Variants in FLII observed in about 807,000 individuals in gnomAD.
FLII encodes the protein FLII actin remodeling protein.
A neutral mutation model predicts 156.2 loss-of-function variants in FLII; 101 were observed. The observed-to-expected ratio is 0.65, with a 90% confidence interval of 0.55 to 0.76. FLII has a LOEUF of 0.76. Ranked by LOEUF, FLII falls within the 30% of genes least tolerant of loss-of-function variation. The pLI, the probability that FLII is intolerant of heterozygous loss-of-function variation, is 0.00. For missense variants in FLII, 1,675 were observed against 1,682.8 expected, an observed-to-expected ratio of 1.00 and a Z score of 0.08; for synonymous variants, 767 against 685.8, an observed-to-expected ratio of 1.12 and a Z score of -1.85.
At chr17:18,252,366 C>G in intron 10 of FLII, 106 bp downstream of exon 10, 3 of 1,126,648 alleles carry the variant, frequency 2.7e-6, no homozygotes, top group Non-Finnish European at 4.0e-6. Context: ...CACGGGCACC[C>G]TGGCACTGGC....
rs143892517 is a variant in FLII, at chr17:18,245,253, C to T, written c.3695G>A (p.Arg1232Gln). 19 of 1,613,480 alleles carry T rather than the reference C, an allele frequency of 1.2e-5. No homozygotes were observed. Among genetic ancestry groups the T allele is most frequent in the South Asian group, 5.5e-5 (5 of 91,054 alleles). ...KACQVYIQHM[R>Q]SKEHERPRRL... ...GCGCGGCCGCTCATGTTCCTTGGAC[C>T]GCATGTGCTGGATATATACCTGGCA... Residue 1232 changes from arginine to glutamine, a missense_variant, in exon 30 of 30, where the codon CGG becomes CAG. By Grantham distance (43) the Arg-to-Gln change is conservative. This residue lies in a region of FLII where 1,332 missense variants were observed against 1,269.3 expected (regional missense o/e 1.05). Coordinates refer to ENST00000327031, the MANE Select transcript of FLII (RefSeq NM_002018.4).
Position 18,254,637 on chromosome 17 carries a change from T to TA in FLII, c.458dup (p.Leu154ThrfsTer81). ...GGTTCTCGCTGAGGTCCAGGTATAG[T>TA]AGGTCAGTGAGGTTGATGAAGAGCT... is the stretch of plus-strand genomic sequence containing the variant. On this transcript the variant is annotated frameshift_variant, in exon 6 of 30. Coordinates refer to ENST00000327031, the MANE Select transcript of FLII (RefSeq NM_002018.4). LOFTEE classifies it high-confidence loss of function. 1 of 1,613,906 alleles carries TA rather than the reference T, an allele frequency of 6.2e-7. No homozygotes were observed.
chr17:18,255,511 C>T (rs974696223), intron 3 of FLII, among the ~76,000 whole-genome samples: 1 of 152,172 alleles, frequency 6.6e-6, no homozygotes, highest in Non-Finnish European at 1.5e-5. Context: ...CTCAGGGAAC[C>T]TTTTCTGTTC....
intron 9 of FLII, among the ~76,000 whole-genome samples, chr17:18,253,029 A>G (rs1299256387): frequency 6.6e-6 from 1 of 152,238 alleles, no homozygotes; most frequent in African/African-American, 2.4e-5. Context: ...GCACGCCTAT[A>G]ATCCCAGCTA....
rs766964258 is a variant in FLII, at chr17:18,251,686, C to T, written c.1377G>A (p.Lys459=). 5 of 1,613,902 alleles carry T rather than the reference C, an allele frequency of 3.1e-6. No homozygotes were observed. In the East Asian group the frequency reaches 1.1e-4, roughly 36 times the overall value. ...MSDVAQEKNK[K]QEESADARAP... ...CAACCCTGGCCTGGCTCACCTCCTG[C>T]TTTTTGTTCTTCTCCTGGGCAACAT... Residue 459 remains lysine (K), a synonymous_variant, in exon 12 of 30, where the codon AAG becomes AAA. Coordinates refer to ENST00000327031, the MANE Select transcript of FLII (RefSeq NM_002018.4).
chr17:18,258,147 A>G lies in FLII; in HGVS notation c.63+481T>C, dbSNP rs2048482343. 6.6e-6 allele frequency among the ~76,000 whole-genome samples: 1 copy of G among 152,216 alleles called. No individual in the cohort carries two copies. Among genetic ancestry groups the G allele is most frequent in the Admixed American group, 6.5e-5 (1 of 15,294 alleles). ...ACCGGCTGAGAAAGCCTAGGCTCTG[A>G]GAGGGGAAGTGATCTGAGAGGCCCA... is the stretch of plus-strand genomic sequence containing the variant. On this transcript the variant is annotated intron_variant, in intron 1 of 29. Coordinates refer to ENST00000327031, the MANE Select transcript of FLII (RefSeq NM_002018.4). The surrounding 1 kb of genome is among the most constrained non-coding windows in gnomAD (Gnocchi z 4.2).
chr17:18,251,013 A>G lies in FLII; in HGVS notation c.1601T>C (p.Phe534Ser). The part of the protein sequence containing the change: ...EADCYIVLKT[F>S]LDDSGSLNWE... ...GTTGAGGGAGCCGCTGTCATCCAGA[A>G]AGGTCTGGAAGCCAAGGCACCGGCC... Residue 534 changes from phenylalanine (F) to serine (S), a missense_variant, in exon 14 of 30, where the codon TTT (phenylalanine) becomes TCT (serine). Phe to Ser is a radical substitution (Grantham distance 155). Coordinates refer to ENST00000327031, the MANE Select transcript of FLII (RefSeq NM_002018.4). The G allele has an allele frequency of 6.2e-7, 1 of 1,612,702 alleles. No homozygotes were observed. The highest frequency in any genetic ancestry group is 8.5e-7 in the Non-Finnish European group (1 of 1,179,400).
rs779017122 is a variant in FLII, at chr17:18,252,554, C to T, written c.1016G>A (p.Cys339Tyr). The T allele has an allele frequency of 9.9e-6, 16 of 1,613,488 alleles. No homozygotes were observed. Among genetic ancestry groups the T allele is most frequent in the Non-Finnish European group, 1.1e-5 (13 of 1,179,900 alleles). The change falls in exon 10 of 30, where the codon TGC (cysteine) becomes TAC (tyrosine). Residue 339 changes from cysteine to tyrosine, a missense_variant and splice_region_variant. Physicochemically the swap from Cys to Tyr is radical, Grantham distance 194 (BLOSUM62 -2). Transcript: ENST00000327031. Reference sequence around the variant, plus strand: ...CAGGACAAGTTTCCTCAGCTTTGGGCACCTGTGAAGACAGGGCCAGCCAGG... The same window carrying T: ...CAGGACAAGTTTCCTCAGCTTTGGGTACCTGTGAAGACAGGGCCAGCCAGG... ...LELVPESLCR[C>Y]PKLRKLVLNK... is the part of the protein sequence containing the mutation.
chr17:18,251,839 G>A (rs758451969), intron 11 of FLII, 23 bp from the exon 12 acceptor site: 2 of 1,612,850 alleles, frequency 1.2e-6, no homozygotes, highest in South Asian at 2.2e-5. Flanking sequence ...GCAAACAGCT[G>A]AGCCCTCACT....
chr17:18,246,077 G>A lies in FLII; in HGVS notation c.3268-15C>T. ...TCAAAGGGAACCTGGGGAGTGTGCA[G>A]GGGTGGGGGTGTTCGCAGCTGACTC... On this transcript the variant is annotated splice_polypyrimidine_tract_variant and intron_variant, in intron 25 of 29. Transcript: ENST00000327031. The A allele has an allele frequency of 3.1e-6, 5 of 1,614,118 alleles. No homozygotes were observed. Among genetic ancestry groups the A allele is most frequent in the Non-Finnish European group, 4.2e-6 (5 of 1,180,014 alleles).
chr17:18,250,811 C>G (rs2048238670), intron 14 of FLII, 27 bp downstream of exon 14: 1 of 1,595,682 alleles, frequency 6.3e-7, no homozygotes, highest in East Asian at 2.2e-5. Flanking sequence ...CCCACTCTGC[C>G]CACCCCCAAT....
Position 18,253,720 on chromosome 17 carries a change from CTGGGGTGCAGGG to C in FLII, c.680-13_680-2del. 1 of 1,603,892 alleles carries C rather than the reference CTGGGGTGCAGGG, an allele frequency of 6.2e-7. No homozygotes were observed. Among genetic ancestry groups the C allele is most frequent in the South Asian group, 1.1e-5 (1 of 90,326 alleles). On this transcript the variant is annotated splice_acceptor_variant and splice_polypyrimidine_tract_variant and intron_variant, in intron 7 of 29. Coordinates refer to ENST00000327031, the MANE Select transcript of FLII (RefSeq NM_002018.4). LOFTEE classifies it high-confidence loss of function. ...AGGTCATTGCAGGACAGATCCACGT[CTGGGGTGCAGGG>C]TGGGGTGCATCAGCTGGGGCCCATA...
chr17:18,254,965 G>A, intron 4 of FLII, 111 bp from the exon 5 acceptor site: 2 of 1,109,840 alleles, frequency 1.8e-6, no homozygotes, highest in East Asian at 2.4e-5. Flanking sequence ...AGATGAGGGG[G>A]CTTCAGGGCC....
chr17:18,256,315 T>A (rs1193985522), intron 3 of FLII, among the ~76,000 whole-genome samples: 1 of 152,268 alleles, frequency 6.6e-6, no homozygotes, highest in African/African-American at 2.4e-5. Flanking sequence ...ACCTTTTTCC[T>A]GATGGAATTC....
rs372886270 is a variant in FLII, at chr17:18,255,374, C to T, written c.247-111G>A. The stretch of plus-strand genomic sequence containing the variant: ...GCTCACCAGAGGCCAGGCCTGAGGA[C>T]TCTCTCACCTCTGGCCTTTGATCAA... On this transcript the variant is annotated intron_variant, in intron 3 of 29. Coordinates refer to ENST00000327031, the MANE Select transcript of FLII (RefSeq NM_002018.4). 1.0e-5 allele frequency: 8 copies of T among 774,914 alleles called. No homozygotes were observed. The East Asian group carries it at 1.2e-4, about 12-fold the overall frequency. The allele number at this position is 774,914 out of a possible 1,614,324, so 48.0% of individuals were successfully genotyped here.
Position 18,258,346 on chromosome 17 carries a change from C to T in FLII, c.63+282G>A. ...CCCCAGGCCACCATCCAGCCTAGAC[C>T]GAGAACACGGACGCGGGGTGGGGGC... On this transcript the variant is annotated intron_variant, in intron 1 of 29. Coordinates refer to ENST00000327031, the MANE Select transcript of FLII (RefSeq NM_002018.4). The surrounding 1 kb of genome is among the most constrained non-coding windows in gnomAD (Gnocchi z 4.2). 1 of 763,828 alleles carries T rather than the reference C, an allele frequency of 1.3e-6. No individual in the cohort carries two copies. The highest frequency in any genetic ancestry group is 2.0e-6 in the Non-Finnish European group (1 of 490,866). The allele number at this position is 763,828 out of a possible 1,614,324, so 47.3% of individuals were successfully genotyped here. A position where few individuals can be genotyped will look rare whatever the true frequency, so the allele number is the denominator to read the frequency against.
chr17:18,246,940 G>C lies in FLII; in HGVS notation c.2789C>G (p.Thr930Arg). Residue 930 changes from threonine (T) to arginine (R), a missense_variant, in exon 22 of 30, where the codon ACG becomes AGG. Thr to Arg is a moderately conservative substitution (Grantham distance 71). Around this residue, in one of 2 missense-constraint regions of FLII, gnomAD observed 1,332 missense variants for 1,269.3 expected, o/e 1.05. Transcript: ENST00000327031. ...LPEEEFGHFYTQDCYVFLCRY... is the reference protein window; with the variant it reads ...LPEEEFGHFYRQDCYVFLCRY... ...GCAGAGGAAGACGTAGCAGTCCTGC[G>C]TGTAGAAGTGGCCAAACTCCTCTTC... 6.2e-7 allele frequency: 1 copy of C among 1,614,174 alleles called. No individual in the cohort carries two copies. The highest frequency in any genetic ancestry group is 8.5e-7 in the Non-Finnish European group (1 of 1,180,026).
In FLII at chr17:18,247,193, C is replaced by T; in HGVS notation, c.2652G>A (p.Arg884=). ...KADLTALFLP[R]QPPMSLAEAE... ...CCTCGGCCAGCGACATGGGCGGCTG[C>T]CGCGGCAGGAAAAGCGCAGTGAGGT... The change falls in exon 21 of 30, where the codon CGG becomes CGA. Residue 884 remains arginine, a synonymous_variant. Coordinates refer to ENST00000327031, the MANE Select transcript of FLII (RefSeq NM_002018.4). The T allele has an allele frequency of 6.7e-7, 1 of 1,503,726 alleles. No homozygotes were observed. Among genetic ancestry groups the T allele is most frequent in the Non-Finnish European group, 8.9e-7 (1 of 1,125,278 alleles). 93.1% of individuals were successfully genotyped at this position (1,503,726 alleles called of 1,614,324 possible).
At chr17:18,254,258 C>T in intron 6 of FLII, 76 bp from the exon 7 acceptor site, 3 of 1,210,714 alleles carry the variant, frequency 2.5e-6, no homozygotes, top group Non-Finnish European at 3.4e-6. Context: ...CAGGGCAGGA[C>T]CAAAAGCACA....
Sources: allele counts gnomAD v4.1 joint callset (sites outside exome capture counted in the v4.1 genomes callset), GRCh38; gene constraint gnomAD v4.1.1; regional missense constraint gnomAD v4.1.1; non-coding constraint Gnocchi (gnomAD v3.1); transcripts MANE v1.5; gene names NCBI Gene and HGNC (gene_info 2026-07-23, HGNC 2026-07-21).